Variants in C9 observed in about 807,000 individuals in gnomAD.
C9 encodes the protein complement C9, also known as complement component C9.
Under a neutral mutation model 65.4 loss-of-function variants are expected in C9, and 63 were observed. The observed-to-expected ratio is 0.96, with a 90% confidence interval of 0.79 to 1.19. The LOEUF (loss-of-function observed/expected upper bound fraction) is 1.19, where lower values mean the gene tolerates loss of function less well. Among genes scored for constraint, C9 ranks in the 50% most tolerant of loss-of-function variants. The probability of loss-of-function intolerance (pLI) is 0.00; values close to 1 mark genes in which losing one functional copy is unlikely to be tolerated. For missense variants in C9, 744 were observed against 670.1 expected (o/e 1.11, Z -1.22); for synonymous variants, 229 against 227.9 (o/e 1.00, Z -0.04).
chr5:39,326,917 C>T (rs1261953457), intron 5 of C9, among the ~76,000 whole-genome samples: 2 of 152,120 alleles, frequency 1.3e-5, no homozygotes, highest in South Asian at 2.1e-4. Context: ...TATTAACTTA[C>T]AGTGTTAATA....
intron 5 of C9, among the ~76,000 whole-genome samples, chr5:39,329,572 T>C (rs17384711): frequency 0.031 from 4,746 of 152,256 alleles, 97 homozygotes; most frequent in Middle Eastern, 0.041. Context: ...AGAGTATGAA[T>C]GGATGAGAAT....
At chr5:39,314,584 T>G (rs1167808089) in intron 6 of C9, among the ~76,000 whole-genome samples, 2 of 152,230 alleles carry the variant, frequency 1.3e-5, no homozygotes, top group Admixed American at 6.5e-5. Flanking sequence ...GTAACTTTTC[T>G]AACTTTTTAT....
chr5:39,340,237 G>A (rs913920413), intron 4 of C9, among the ~76,000 whole-genome samples: 4 of 152,196 alleles, frequency 2.6e-5, no homozygotes, highest in Non-Finnish European at 5.9e-5. Flanking sequence ...CAGGAATTAT[G>A]AGCATAAAGA....
intron 5 of C9, among the ~76,000 whole-genome samples, chr5:39,328,454 T>A (rs1753789037): frequency 6.6e-6 from 1 of 152,132 alleles, no homozygotes; most frequent in Non-Finnish European, 1.5e-5. Context: ...ATGCTAGCTG[T>A]TTTTGTGTGA....
At chr5:39,361,277 A>C (rs1754513914) in intron 1 of C9, among the ~76,000 whole-genome samples, 1 of 152,214 alleles carries the variant, frequency 6.6e-6, no homozygotes, top group African/African-American at 2.4e-5. Flanking sequence ...CAACCTGTAG[A>C]GGTAGGATGA....
intron 1 of C9, among the ~76,000 whole-genome samples, chr5:39,358,072 T>C (rs1295688894): frequency 1.3e-5 from 2 of 152,150 alleles, no homozygotes; most frequent in African/African-American, 4.8e-5. Context: ...GCCATCAAGA[T>C]GACCCCAGCT....
chr5:39,362,283 T>C (rs1754535410), intron 1 of C9, among the ~76,000 whole-genome samples: 1 of 152,166 alleles, frequency 6.6e-6, no homozygotes, highest in Non-Finnish European at 1.5e-5. Flanking sequence ...TGGGCCCTAA[T>C]CCAATATGAC....
At chr5:39,333,952 C>T (rs977408506) in intron 4 of C9, among the ~76,000 whole-genome samples, 9 of 152,150 alleles carry the variant, frequency 5.9e-5, no homozygotes, top group Non-Finnish European at 1.0e-4. Flanking sequence ...GGCGTGATCT[C>T]GGCTCGCTGC....
At chr5:39,336,940 TGTCAGA>T (rs1446241813) in intron 4 of C9, among the ~76,000 whole-genome samples, 2 of 152,140 alleles carry the variant, frequency 1.3e-5, no homozygotes, top group African/African-American at 4.8e-5. Flanking sequence ...AACTTCAAGG[TGTCAGA>T]GTCCAGTTGA....
chr5:39,363,500 G>A, intron 1 of C9, among the ~76,000 whole-genome samples: 1 of 152,208 alleles, frequency 6.6e-6, no homozygotes, highest in Admixed American at 6.5e-5. Context: ...ATTGGAAGCA[G>A]GTTATGGTTA....
chr5:39,308,588 T>C (rs973256610), intron 7 of C9, among the ~76,000 whole-genome samples: 2 of 152,182 alleles, frequency 1.3e-5, no homozygotes, highest in Admixed American at 6.5e-5. Flanking sequence ...GTCTACCACA[T>C]GGTTTAAAGG....
At chr5:39,340,695 G>C (rs1021076212) in intron 4 of C9, among the ~76,000 whole-genome samples, 1 of 152,174 alleles carries the variant, frequency 6.6e-6, no homozygotes, top group Non-Finnish European at 1.5e-5. Context: ...TCCTGGGTCA[G>C]CTCCAGAATG....
chr5:39,320,605 A>G (rs28847315), intron 5 of C9, among the ~76,000 whole-genome samples: 4,489 of 152,256 alleles, frequency 0.029, 202 homozygotes, highest in African/African-American at 0.1. Flanking sequence ...AGTGTAGAAA[A>G]CTTATTTAAA....
At chr5:39,329,339 T>C (rs1285257467) in intron 5 of C9, among the ~76,000 whole-genome samples, 1 of 152,234 alleles carries the variant, frequency 6.6e-6, no homozygotes, top group Non-Finnish European at 1.5e-5. Context: ...ACTGAGGGCT[T>C]GCTATATGCC....
rs181451771 is a variant in C9 at position 39,314,948 on chromosome 5, C to T, written c.870+827G>A. Among the ~76,000 whole-genome samples the T allele has an allele frequency of 1.8e-3, 276 of 152,244 alleles. 1 individual carries two copies. The highest frequency in any genetic ancestry group is 3.4e-3 in the Non-Finnish European group (231 of 68,026). ...ACTCCATGAGGACACAAATTTTCATCAGCTTGGTTCACAAATATATTCTAA... is the reference window on the plus strand; with the variant it reads ...ACTCCATGAGGACACAAATTTTCATTAGCTTGGTTCACAAATATATTCTAA... On this transcript the variant is annotated intron_variant, in intron 6 of 10. Transcript: ENST00000263408.
chr5:39,284,240 TTATTTTGATA>T lies in C9; in HGVS notation c.*949_*958del, dbSNP rs1752948165. The T allele has an allele frequency of 6.6e-6, 1 of 152,202 alleles. No individual in the cohort carries two copies. Among genetic ancestry groups the T allele is most frequent in the African/African-American group, 2.4e-5 (1 of 41,472 alleles). The allele number at this position is 152,202 out of a possible 1,614,324, so 9.4% of individuals were successfully genotyped here. ...TTATTAATTCTCATTTTGCATTTTT[TTATTTTGATA>T]TATTTTTCCTCTTTTCTTTCTTTCT... On this transcript the variant is annotated 3_prime_UTR_variant, in exon 11 of 11. Transcript: ENST00000263408.
intron 9 of C9, among the ~76,000 whole-genome samples, chr5:39,302,624 G>A (rs968503311): frequency 1.3e-5 from 2 of 152,136 alleles, no homozygotes; most frequent in African/African-American, 4.8e-5. Context: ...ACTACATCAT[G>A]TAACTCTGGA....
At chr5:39,342,038 G>C in intron 2 of C9, 53 bp downstream of exon 2, 1 of 993,164 alleles carries the variant, frequency 1.0e-6, no homozygotes, top group Non-Finnish European at 1.6e-6. Flanking sequence ...GGAGAGGCTA[G>C]CAATACAGTT....
chr5:39,326,104 G>T (rs780538252), intron 5 of C9, among the ~76,000 whole-genome samples: 3 of 151,968 alleles, frequency 2.0e-5, no homozygotes, highest in Non-Finnish European at 4.4e-5. Context: ...TTTGTGATAG[G>T]CACTATTCTA....
Sources: allele counts gnomAD v4.1 joint callset (sites outside exome capture counted in the v4.1 genomes callset), GRCh38; gene constraint gnomAD v4.1.1; transcripts MANE v1.5; gene names NCBI Gene and HGNC (gene_info 2026-07-23, HGNC 2026-07-21).